The following RALYL variants were observed in gnomAD, a reference collection of about 807,000 sequenced individuals.
RALYL encodes RNA-binding Raly-like protein.
Under a neutral mutation model 35.1 loss-of-function variants are expected in RALYL, and 29 were observed. The ratio of observed to expected loss-of-function variants is 0.83; its 90% CI spans 0.61 to 1.13. The LOEUF (loss-of-function observed/expected upper bound fraction) is 1.13. RALYL is among the 50% of genes most tolerant of loss of function. RALYL has a pLI of 0.00. For synonymous variants in RALYL, 120 were observed against 127.6 expected (o/e 0.94, Z 0.40); for missense variants, 359 against 360.4 (o/e 1.00, Z 0.03).
intron 1 of RALYL, among the ~76,000 whole-genome samples, chr8:84,445,749 A>G (rs2048783538): frequency 6.6e-6 from 1 of 151,622 alleles, no homozygotes; most frequent in South Asian, 2.1e-4. Flanking sequence ...TAATTGAAAA[A>G]CGTGGGCTCC....
At chr8:84,448,722 G>A (rs1587365020) in intron 1 of RALYL, among the ~76,000 whole-genome samples, 1 of 151,992 alleles carries the variant, frequency 6.6e-6, no homozygotes, top group East Asian at 1.9e-4. Flanking sequence ...GACTCATAGA[G>A]ATTCATACAT....
At chr8:84,662,694 C>G (rs1588852488) in intron 2 of RALYL, among the ~76,000 whole-genome samples, 1 of 151,878 alleles carries the variant, frequency 6.6e-6, no homozygotes. Flanking sequence ...TAAAAAATAA[C>G]CTTTTTGGAT....
chr8:84,868,767 A>T (rs1417443033), intron 6 of RALYL, among the ~76,000 whole-genome samples: 1 of 152,168 alleles, frequency 6.6e-6, no homozygotes, highest in Admixed American at 6.5e-5. Context: ...ATGAATACAT[A>T]TATATGCATA....
intron 1 of RALYL, among the ~76,000 whole-genome samples, chr8:84,504,867 G>A (rs1247111608): frequency 6.6e-6 from 1 of 152,124 alleles, no homozygotes; most frequent in Non-Finnish European, 1.5e-5. Flanking sequence ...GAATACTTCA[G>A]TATGTATACT....
intron 1 of RALYL, among the ~76,000 whole-genome samples, chr8:84,520,729 AT>A (rs2058395151): frequency 6.6e-6 from 1 of 152,148 alleles, no homozygotes; most frequent in African/African-American, 2.4e-5. Flanking sequence ...CATGTGAGGG[AT>A]CTATGTTGCG....
At chr8:84,885,701 C>A (rs913555331) in intron 7 of RALYL, among the ~76,000 whole-genome samples, 1 of 152,038 alleles carries the variant, frequency 6.6e-6, no homozygotes, top group African/African-American at 2.4e-5. Flanking sequence ...TTATGATACC[C>A]GTAGTAATTA....
chr8:84,804,984 C>A (rs1824249298), intron 4 of RALYL, among the ~76,000 whole-genome samples, 182 bp downstream of exon 4: 1 of 152,054 alleles, frequency 6.6e-6, no homozygotes, highest in Non-Finnish European at 1.5e-5. Context: ...GTATTGTGAC[C>A]TCAGAAATGC....
chr8:84,453,671 C>G (rs1006768103), intron 1 of RALYL, among the ~76,000 whole-genome samples: 7 of 152,010 alleles, frequency 4.6e-5, no homozygotes, highest in Non-Finnish European at 1.0e-4. Context: ...TAGACTGATG[C>G]TGATATTGTC....
rs958139207 is a variant in RALYL, at chr8:84,631,013, G to A, written c.256+101436G>A. On this transcript the variant is annotated intron_variant, in intron 2 of 8. Coordinates refer to ENST00000521268, the MANE Select transcript of RALYL (RefSeq NM_173848.7). ...CAGGTGAACCTGACACTAAAACCAG[G>A]TAAAAATTCTAGAAGGCATATAGTT... Among the ~76,000 whole-genome samples the A allele has an allele frequency of 3.9e-5, 6 of 152,058 alleles. 1 individual carries two copies. Among genetic ancestry groups the A allele is most frequent in the African/African-American group, 1.2e-4 (5 of 41,514 alleles).
chr8:84,767,494 C>CT (rs1296284386), intron 2 of RALYL, among the ~76,000 whole-genome samples: 17 of 152,132 alleles, frequency 1.1e-4, no homozygotes, highest in Non-Finnish European at 2.4e-4. Flanking sequence ...TTTTTTTATA[C>CT]TTTTTTCATG....
At chr8:84,517,020 C>A (rs180776752) in intron 1 of RALYL, among the ~76,000 whole-genome samples, 1 of 152,104 alleles carries the variant, frequency 6.6e-6, no homozygotes, top group East Asian at 1.9e-4. Flanking sequence ...AGTATTAACC[C>A]TACAGACTGT....
chr8:84,792,295 G>A (rs1320272393), intron 3 of RALYL, among the ~76,000 whole-genome samples: 1 of 152,166 alleles, frequency 6.6e-6, no homozygotes, highest in Non-Finnish European at 1.5e-5. Flanking sequence ...AGATGGAAGG[G>A]GGATGGAGTG....
chr8:84,875,023 T>G (rs1840866457), intron 7 of RALYL, among the ~76,000 whole-genome samples: 1 of 143,788 alleles, frequency 7.0e-6, no homozygotes, highest in Non-Finnish European at 1.5e-5. Context: ...AATGGAATCT[T>G]TCTTAATTAA....
chr8:84,625,249 A>G (rs771621494), intron 2 of RALYL, among the ~76,000 whole-genome samples: 1 of 152,202 alleles, frequency 6.6e-6, no homozygotes, highest in African/African-American at 2.4e-5. Flanking sequence ...GATGATGGGC[A>G]CAAATGGTTT....
At chr8:84,885,753 G>C (rs1842839483) in intron 7 of RALYL, among the ~76,000 whole-genome samples, 1 of 152,058 alleles carries the variant, frequency 6.6e-6, no homozygotes, top group Non-Finnish European at 1.5e-5. Flanking sequence ...TTTCTCCTCT[G>C]AAACACAGCC....
chr8:84,267,069 G>A (rs968612876), intron 1 of RALYL, among the ~76,000 whole-genome samples: 3 of 151,774 alleles, frequency 2.0e-5, no homozygotes, highest in East Asian at 3.9e-4. Flanking sequence ...GAGGACTTAA[G>A]CAGCGGATGT....
chr8:84,880,995 C>G (rs916476348), intron 7 of RALYL, among the ~76,000 whole-genome samples: 1 of 151,748 alleles, frequency 6.6e-6, no homozygotes, highest in Non-Finnish European at 1.5e-5. Context: ...TATATAATAT[C>G]TCTACTAAAA....
At chr8:84,495,924 C>T (rs1192897764) in intron 1 of RALYL, among the ~76,000 whole-genome samples, 5 of 152,020 alleles carry the variant, frequency 3.3e-5, no homozygotes, top group African/African-American at 9.7e-5. Flanking sequence ...CCAAATAGAC[C>T]ACTTAACTAC....
chr8:84,384,661 T>A (rs1470008949), intron 1 of RALYL, among the ~76,000 whole-genome samples: 3 of 151,748 alleles, frequency 2.0e-5, no homozygotes, highest in Admixed American at 2.0e-4. Context: ...GTATGTCCCA[T>A]CCTCCTTTCC....
Sources: allele counts gnomAD v4.1 joint callset (sites outside exome capture counted in the v4.1 genomes callset), GRCh38; gene constraint gnomAD v4.1.1; transcripts MANE v1.5; gene names NCBI Gene and HGNC (gene_info 2026-07-23, HGNC 2026-07-21).